The following STX18 variants were observed in gnomAD, a reference collection of about 807,000 sequenced individuals.
STX18 encodes the protein syntaxin 18, also known as syntaxin-18.
In STX18, 40 loss-of-function variants were observed where a neutral mutation model predicts 50.1. The ratio of observed to expected loss-of-function variants is 0.80; its 90% CI spans 0.62 to 1.04. The LOEUF (loss-of-function observed/expected upper bound fraction) is 1.04, where lower values mean the gene tolerates loss of function less well. Among genes scored for constraint, STX18 ranks in the 50% least tolerant of loss-of-function variants. The pLI, the probability that STX18 is intolerant of heterozygous loss-of-function variation, is 0.00. For missense variants in STX18, 410 were observed against 415.8 expected, an observed-to-expected ratio of 0.99 and a Z score of 0.12; for synonymous variants, 158 against 151.8, an observed-to-expected ratio of 1.04 and a Z score of -0.30.
chr4:4,499,848 G>T (rs570365726), intron 1 of STX18, among the ~76,000 whole-genome samples: 1 of 149,988 alleles, frequency 6.7e-6, no homozygotes, highest in Non-Finnish European at 1.5e-5. Flanking sequence ...GGGGGGAAAT[G>T]GCTTTTCAAA....
intron 5 of STX18, among the ~76,000 whole-genome samples, chr4:4,456,227 C>T (rs1374696219): frequency 6.6e-6 from 1 of 151,504 alleles, no homozygotes; most frequent in Non-Finnish European, 1.5e-5. Flanking sequence ...CACTGCACTC[C>T]ATCCTGGGAG....
intron 1 of STX18, among the ~76,000 whole-genome samples, chr4:4,523,352 A>G (rs939877203): frequency 1.3e-5 from 2 of 151,912 alleles, no homozygotes; most frequent in African/African-American, 4.8e-5. Flanking sequence ...CCCTTGGGTG[A>G]TCCCACTCTT....
At chr4:4,459,109 CT>C (rs1179296216) in intron 3 of STX18, among the ~76,000 whole-genome samples, 2 of 148,156 alleles carry the variant, frequency 1.3e-5, no homozygotes, top group East Asian at 1.9e-4. Flanking sequence ...TTCACTGCCC[CT>C]GGCCCCTAGA....
chr4:4,484,257 A>G (rs1174813699), intron 1 of STX18, among the ~76,000 whole-genome samples: 1 of 152,192 alleles, frequency 6.6e-6, no homozygotes, highest in East Asian at 1.9e-4. Context: ...CAAATAAAAT[A>G]CAGTTTCCAG....
chr4:4,532,989 G>A (rs1163395141), intron 1 of STX18, among the ~76,000 whole-genome samples: 1 of 152,174 alleles, frequency 6.6e-6, no homozygotes, highest in Non-Finnish European at 1.5e-5. Flanking sequence ...AGAACATTTT[G>A]ACAAACAGAC....
intron 7 of STX18, among the ~76,000 whole-genome samples, chr4:4,433,534 T>TAAAAAAAAAAAAAAAAAAAAAAAA (rs10676475): frequency 9.0e-6 from 1 of 111,074 alleles, no homozygotes; most frequent in Non-Finnish European, 1.9e-5. Context: ...AAAAATAAAT[T>TAAAAAAAAAAAAAAAAAAAAAAAA]AAAAAAAAAA....
intron 1 of STX18, among the ~76,000 whole-genome samples, chr4:4,504,386 T>TCATC (rs1560198184): frequency 1.3e-5 from 2 of 152,216 alleles, no homozygotes; most frequent in African/African-American, 2.4e-5. Context: ...ATTCATTCAT[T>TCATC]CATCCATCAA....
At chr4:4,520,261 T>C (rs559173110) in intron 1 of STX18, among the ~76,000 whole-genome samples, 2 of 152,328 alleles carry the variant, frequency 1.3e-5, no homozygotes, top group South Asian at 2.1e-4. Flanking sequence ...TCTTTCCCAA[T>C]AGGGTGCTGT....
intron 1 of STX18, among the ~76,000 whole-genome samples, chr4:4,480,561 T>C (rs1728410619): frequency 6.6e-6 from 1 of 152,248 alleles, no homozygotes; most frequent in Non-Finnish European, 1.5e-5. Flanking sequence ...ATTGTTTTCA[T>C]GTCTCCCTGA....
chr4:4,514,895 G>T (rs1730177472), intron 1 of STX18, among the ~76,000 whole-genome samples: 1 of 152,108 alleles, frequency 6.6e-6, no homozygotes, highest in African/African-American at 2.4e-5. Context: ...CCTTCTCTAT[G>T]AAGATCCTAA....
At chr4:4,468,369 C>G (rs1351384874) in intron 2 of STX18, among the ~76,000 whole-genome samples, 2 of 152,126 alleles carry the variant, frequency 1.3e-5, no homozygotes, top group Non-Finnish European at 2.9e-5. Flanking sequence ...GCACGGAGAC[C>G]TAACTGCAAA....
chr4:4,527,867 C>CACACACACATATATATATATATAT (rs372566368), intron 1 of STX18, among the ~76,000 whole-genome samples: 2 of 137,208 alleles, frequency 1.5e-5, no homozygotes, highest in African/African-American at 5.3e-5. Context: ...CACACACACA[C>CACACACACATATATATATATATAT]ATATATATAT....
chr4:4,502,834 C>T (rs1729517618), intron 1 of STX18, among the ~76,000 whole-genome samples: 1 of 152,176 alleles, frequency 6.6e-6, no homozygotes, highest in Non-Finnish European at 1.5e-5. Flanking sequence ...ATGACACACA[C>T]TTCATCGGCT....
chr4:4,460,980 C>A (rs1727346411), intron 2 of STX18, among the ~76,000 whole-genome samples: 1 of 152,128 alleles, frequency 6.6e-6, no homozygotes, highest in Non-Finnish European at 1.5e-5. Context: ...GAAATAGAGG[C>A]TAACGGGGTC....
intron 1 of STX18, among the ~76,000 whole-genome samples, chr4:4,480,759 T>C (rs1360786055): frequency 6.6e-6 from 1 of 152,218 alleles, no homozygotes; most frequent in African/African-American, 2.4e-5. Flanking sequence ...ATCCACTAGA[T>C]GGCAACACAA....
intron 1 of STX18, among the ~76,000 whole-genome samples, chr4:4,495,608 C>T (rs1390742264): frequency 1.3e-5 from 2 of 148,350 alleles, no homozygotes; most frequent in African/African-American, 5.0e-5. Flanking sequence ...GCTATGTTGC[C>T]CATGCTGGTC....
chr4:4,427,027 T>A (rs1216377758), intron 7 of STX18, among the ~76,000 whole-genome samples: 3 of 152,214 alleles, frequency 2.0e-5, no homozygotes, highest in Non-Finnish European at 4.4e-5. Context: ...TCACTCTTGT[T>A]ACCAAGTTCC....
At chr4:4,489,033 T>G (rs1305208526) in intron 1 of STX18, among the ~76,000 whole-genome samples, 1 of 152,212 alleles carries the variant, frequency 6.6e-6, no homozygotes, top group African/African-American at 2.4e-5. Flanking sequence ...TAGAAATGTT[T>G]TTGCTTTACT....
chr4:4,520,888 T>TCTG (rs1730478675), intron 1 of STX18, among the ~76,000 whole-genome samples: 1 of 152,044 alleles, frequency 6.6e-6, no homozygotes, highest in African/African-American at 2.4e-5. Context: ...TCCACATGTT[T>TCTG]AAGACTTACA....
Sources: gnomAD v4.1 joint callset for allele counts (sites outside exome capture counted in the v4.1 genomes callset) on GRCh38, gnomAD v4.1.1 for gene constraint, MANE v1.5 for transcripts, NCBI Gene and HGNC (gene_info 2026-07-23, HGNC 2026-07-21) for gene names.